The following RBFOX3 variants were observed in gnomAD, a reference collection of about 807,000 sequenced individuals.
The protein encoded by RBFOX3 is RNA binding protein fox-1 homolog 3.
A neutral mutation model predicts 48.7 loss-of-function variants in RBFOX3; 17 were observed. The ratio of observed to expected loss-of-function variants is 0.35; its 90% CI spans 0.24 to 0.52. RBFOX3 has a LOEUF of 0.52. RBFOX3 is among the 20% of genes least tolerant of loss of function. The pLI is 0.94. For synonymous variants in RBFOX3, 212 were observed against 209.5 expected (o/e 1.01, Z -0.10); for missense variants, 382 against 497.5 (o/e 0.77, Z 2.21).
chr17:79,449,658 C>G (rs1465573093), intron 2 of RBFOX3, among the ~76,000 whole-genome samples: 1 of 151,420 alleles, frequency 6.6e-6, no homozygotes, highest in Non-Finnish European at 1.5e-5. Flanking sequence ...CACTTTGAGT[C>G]TGGCCACCCG....
chr17:79,155,785 G>A (rs908427861), intron 4 of RBFOX3, among the ~76,000 whole-genome samples: 1 of 152,158 alleles, frequency 6.6e-6, no homozygotes, highest in Non-Finnish European at 1.5e-5. Context: ...CCTGGCAGGA[G>A]GCAGCCCACC....
intron 2 of RBFOX3, among the ~76,000 whole-genome samples, chr17:79,372,120 C>T (rs1270582414): frequency 6.6e-6 from 1 of 152,184 alleles, no homozygotes; most frequent in East Asian, 1.9e-4. Flanking sequence ...ACTGTGGCCA[C>T]GGCAGCCCTC....
In RBFOX3 at chr17:79,368,388, C is replaced by A. The variant is rs191303464; in HGVS notation, c.-174-60564G>T. ...AGCCAGGATCCTGCGTGCTGTCCTG[C>A]ATCTGGGTTTCCCAATGTGGCTTCA... On this transcript the variant is annotated intron_variant, in intron 2 of 14. Transcript: ENST00000693108. Among the ~76,000 whole-genome samples the A allele has an allele frequency of 2.4e-4, 36 of 152,358 alleles. No homozygotes were observed. In the East Asian group the frequency reaches 6.0e-3, roughly 25 times the overall value.
At chr17:79,446,644 C>T (rs1555738529) in intron 2 of RBFOX3, among the ~76,000 whole-genome samples, 1 of 152,228 alleles carries the variant, frequency 6.6e-6, no homozygotes, top group African/African-American at 2.4e-5. Flanking sequence ...CAACTCACCA[C>T]CCTTTTTCTA....
Position 79,537,446 on chromosome 17 carries a change from C to T in RBFOX3, c.-319-54848G>A, listed in dbSNP as rs375413438. On this transcript the variant is annotated intron_variant, in intron 1 of 14. Coordinates refer to ENST00000693108, the MANE Select transcript of RBFOX3 (RefSeq NM_001350451.2). Reference sequence around the variant, plus strand: ...CTATTTCCAAATAAAGTCCCATTCACATGTTTGGGAGGTTAGGATTTGGAC... The same window carrying T: ...CTATTTCCAAATAAAGTCCCATTCATATGTTTGGGAGGTTAGGATTTGGAC... Among the ~76,000 whole-genome samples the T allele has an allele frequency of 2.0e-4, 31 of 152,284 alleles. 1 individual carries two copies. Among genetic ancestry groups the T allele is most frequent in the African/African-American group, 6.5e-4 (27 of 41,550 alleles).
chr17:79,208,033 T>C (rs2057763479), intron 4 of RBFOX3, among the ~76,000 whole-genome samples: 2 of 152,180 alleles, frequency 1.3e-5, no homozygotes, highest in African/African-American at 4.8e-5. Flanking sequence ...TGGCCAGCTC[T>C]TGGTGTCTCC....
At chr17:79,227,437 T>G (rs1436202528) in intron 4 of RBFOX3, among the ~76,000 whole-genome samples, 5 of 152,184 alleles carry the variant, frequency 3.3e-5, no homozygotes, top group Non-Finnish European at 5.9e-5. Flanking sequence ...GAGCATCAGC[T>G]CGTCCAGGGC....
rs1341223002 is a variant in RBFOX3, at chr17:79,473,644, G to A, written c.-175+8810C>T. 3.3e-5 allele frequency among the ~76,000 whole-genome samples: 5 copies of A among 152,140 alleles called. No individual in the cohort carries two copies. Among genetic ancestry groups the A allele is most frequent in the Admixed American group, 1.3e-4 (2 of 15,278 alleles). The stretch of plus-strand genomic sequence containing the variant: ...AATGTTGACATCCTGATGAACCCCC[G>A]CTGGTGACGGCAGGTGGCCACACCC... On this transcript the variant is annotated intron_variant, in intron 2 of 14. Transcript: ENST00000693108. The surrounding 1 kb of genome is among the most constrained non-coding windows in gnomAD (Gnocchi z 4.2).
At chr17:79,225,137 A>G (rs958452813) in intron 4 of RBFOX3, among the ~76,000 whole-genome samples, 31 of 152,098 alleles carry the variant, frequency 2.0e-4, no homozygotes, top group African/African-American at 7.5e-4. Context: ...GTCTTCAGTG[A>G]AAGGTGACCA....
chr17:79,356,362 T>TG (rs1169504564), intron 2 of RBFOX3, among the ~76,000 whole-genome samples: 5 of 76,686 alleles, frequency 6.5e-5, no homozygotes, highest in South Asian at 5.5e-4. Flanking sequence ...TTTTTTTTTT[T>TG]TTTTTTTTTT....
chr17:79,154,672 G>A (rs2045371751), intron 4 of RBFOX3, among the ~76,000 whole-genome samples: 1 of 152,232 alleles, frequency 6.6e-6, no homozygotes, highest in African/African-American at 2.4e-5. Context: ...CACGTGGCCG[G>A]GAGACTGGCG....
At chr17:79,564,610 A>T (rs964584471) in intron 1 of RBFOX3, among the ~76,000 whole-genome samples, 3 of 152,228 alleles carry the variant, frequency 2.0e-5, no homozygotes, top group Non-Finnish European at 4.4e-5. Flanking sequence ...ATTTATGTAC[A>T]AGGAAGTTAA....
chr17:79,419,846 G>T (rs2065951543), intron 2 of RBFOX3, among the ~76,000 whole-genome samples: 1 of 152,182 alleles, frequency 6.6e-6, no homozygotes, highest in African/African-American at 2.4e-5. Flanking sequence ...GTTAACAGGG[G>T]CCGGGCGCGG....
At chr17:79,255,562 C>G (rs1202201139) in intron 3 of RBFOX3, among the ~76,000 whole-genome samples, 1 of 152,112 alleles carries the variant, frequency 6.6e-6, no homozygotes. Flanking sequence ...GAAGCCGAGG[C>G]TAGCATGAGC....
chr17:79,517,071 G>T (rs1275963678), intron 1 of RBFOX3, among the ~76,000 whole-genome samples: 2 of 152,178 alleles, frequency 1.3e-5, no homozygotes, highest in Non-Finnish European at 2.9e-5. Flanking sequence ...GCAATGTGAA[G>T]GTGCCGAATG....
Position 79,243,201 on chromosome 17 carries a change from C to A in RBFOX3, c.-73-7396G>T, listed in dbSNP as rs534038485. On this transcript the variant is annotated intron_variant, in intron 3 of 14. Coordinates refer to ENST00000693108, the MANE Select transcript of RBFOX3 (RefSeq NM_001350451.2). This position sits in a 1 kb window ranked among gnomAD's most constrained non-coding sequence, Gnocchi z 7.9. The stretch of plus-strand genomic sequence containing the variant: ...CTGGTAGCGGTTGCAGCTGAGTTTG[C>A]GCGAGACCCACCTGACCACAACCTT... 1.8e-4 allele frequency among the ~76,000 whole-genome samples: 2 copies of A among 11,172 alleles called. No homozygotes were observed. The highest frequency in any genetic ancestry group is 4.0e-3 in the Admixed American group (2 of 496). The allele number at this position is 11,172 out of a possible 152,430, so 7.3% of individuals were successfully genotyped here.
intron 3 of RBFOX3, among the ~76,000 whole-genome samples, chr17:79,269,503 T>G (rs1024823174): frequency 4.6e-5 from 7 of 151,728 alleles, no homozygotes; most frequent in Admixed American, 4.6e-4. Context: ...GGGAAAAAAT[T>G]CCCCCCTTGA....
At chr17:79,291,004 T>A (rs1216873256) in intron 3 of RBFOX3, among the ~76,000 whole-genome samples, 1 of 152,054 alleles carries the variant, frequency 6.6e-6, no homozygotes, top group East Asian at 1.9e-4. Flanking sequence ...TTGCCTAACC[T>A]CTCCCAGTGC....
chr17:79,297,267 T>C (rs957270336), intron 3 of RBFOX3, among the ~76,000 whole-genome samples: 27 of 152,256 alleles, frequency 1.8e-4, no homozygotes, highest in Middle Eastern at 3.4e-3. Flanking sequence ...GCTCCTTCCA[T>C]GGGCCCCTTG....
Sources: gnomAD v4.1 joint callset for allele counts (sites outside exome capture counted in the v4.1 genomes callset) on GRCh38, gnomAD v4.1.1 for gene constraint, Gnocchi (gnomAD v3.1) non-coding constraint, MANE v1.5 for transcripts, NCBI Gene and HGNC (gene_info 2026-07-23, HGNC 2026-07-21) for gene names.